Variants in SLC8B1 observed in about 807,000 individuals in gnomAD.
SLC8B1 encodes the protein solute carrier family 8 member B1, also known as mitochondrial sodium/calcium exchanger protein.
A neutral mutation model predicts 63.4 loss-of-function variants in SLC8B1; 52 were observed. The ratio of observed to expected loss-of-function variants is 0.82; its 90% CI spans 0.66 to 1.03. The LOEUF (loss-of-function observed/expected upper bound fraction) is 1.03. Ranked by LOEUF, SLC8B1 falls within the 50% of genes least tolerant of loss-of-function variation. The pLI, the probability that SLC8B1 is intolerant of heterozygous loss-of-function variation, is 0.00. For synonymous variants in SLC8B1, 336 were observed against 323.9 expected (o/e 1.04, Z -0.40); for missense variants, 657 against 741.7 (o/e 0.89, Z 1.33).
intron 2 of SLC8B1, among the ~76,000 whole-genome samples, chr12:113,325,851 C>T (rs1956991039): frequency 6.6e-6 from 1 of 152,232 alleles, no homozygotes; most frequent in African/African-American, 2.4e-5. Context: ...GCGTGAGCCA[C>T]CGCGCCCAGC....
intron 13 of SLC8B1, 65 bp from the exon 14 acceptor site, chr12:113,306,640 G>T: frequency 3.8e-6 from 5 of 1,325,948 alleles, no homozygotes; most frequent in Non-Finnish European, 5.4e-6. Context: ...GGTCATCCAC[G>T]CCTTCATTCT....
chr12:113,317,692 C>T (rs1049769937), intron 8 of SLC8B1, among the ~76,000 whole-genome samples: 2 of 152,150 alleles, frequency 1.3e-5, no homozygotes, highest in Non-Finnish European at 1.5e-5. Flanking sequence ...AGTTAGCTCT[C>T]GCCCTGATTC....
rs999787492 is a variant in SLC8B1 at position 113,318,865 on chromosome 12, G to C, written c.802+99C>G. On this transcript the variant is annotated intron_variant, in intron 8 of 15. Coordinates refer to ENST00000680972, the MANE Select transcript of SLC8B1 (RefSeq NM_001358345.2). Reference sequence around the variant, plus strand: ...AAGAGCATGAAGAGGAGATGAGCTTGGTGGGGACAATGGCCTCAGGAGACC... The same window carrying C: ...AAGAGCATGAAGAGGAGATGAGCTTCGTGGGGACAATGGCCTCAGGAGACC... The C allele has an allele frequency of 5.9e-6, 5 of 849,176 alleles. No individual in the cohort carries two copies. In the African/African-American group the frequency reaches 8.4e-5, roughly 14 times the overall value. The allele number at this position is 849,176 out of a possible 1,614,324, so 52.6% of individuals were successfully genotyped here.
In SLC8B1 at chr12:113,322,485, C is replaced by T. The variant is rs191990712; in HGVS notation, c.157-1137G>A. ...AATATAGCCAATGAGCTTCCTCACA[C>T]ATGACTCTCTGAGCACATATGAGAA... On this transcript the variant is annotated intron_variant, in intron 2 of 15. Coordinates refer to ENST00000680972, the MANE Select transcript of SLC8B1 (RefSeq NM_001358345.2). 2.9e-3 allele frequency among the ~76,000 whole-genome samples: 435 copies of T among 152,304 alleles called. 1 individual carries two copies. The highest frequency in any genetic ancestry group is 4.8e-3 in the Non-Finnish European group (325 of 68,024).
intron 9 of SLC8B1, 130 bp from the exon 10 acceptor site, chr12:113,316,786 A>C: frequency 2.0e-6 from 3 of 1,506,370 alleles, no homozygotes; most frequent in Non-Finnish European, 1.8e-6. Flanking sequence ...GGCAGAGGGC[A>C]GACAACCCTG....
chr12:113,299,522 A>T lies in SLC8B1; in HGVS notation c.*255T>A. 2 of 476,568 alleles carry T rather than the reference A, an allele frequency of 4.2e-6. No individual in the cohort carries two copies. Among genetic ancestry groups the T allele is most frequent in the South Asian group, 2.2e-5 (1 of 46,342 alleles). 29.5% of individuals were successfully genotyped at this position (476,568 alleles called of 1,614,324 possible). A position where few individuals can be genotyped will look rare whatever the true frequency, so the allele number is the denominator to read the frequency against. On this transcript the variant is annotated 3_prime_UTR_variant, in exon 16 of 16. Transcript: ENST00000680972. Reference sequence around the variant, plus strand: ...TGGGGGTCATTCAAGGGGGACTTCTAGCTTCTCTCTGGAACCCTTTGTCCA... The same window carrying T: ...TGGGGGTCATTCAAGGGGGACTTCTTGCTTCTCTCTGGAACCCTTTGTCCA...
chr12:113,317,835 T>C, intron 8 of SLC8B1, among the ~76,000 whole-genome samples: 1 of 151,056 alleles, frequency 6.6e-6, no homozygotes, highest in South Asian at 2.1e-4. Context: ...GTATTGTGTA[T>C]GTGAGTGCAT....
chr12:113,318,272 ATT>A (rs1433239498), intron 8 of SLC8B1, among the ~76,000 whole-genome samples: 6 of 150,666 alleles, frequency 4.0e-5, no homozygotes, highest in South Asian at 2.1e-4. Flanking sequence ...GTGTGCATGT[ATT>A]TGTGTTGCAT....
chr12:113,303,219 A>C (rs1292852614), intron 15 of SLC8B1, among the ~76,000 whole-genome samples: 1 of 152,186 alleles, frequency 6.6e-6, no homozygotes, highest in Non-Finnish European at 1.5e-5. Context: ...GAACTACCCT[A>C]GAATCTATCA....
Position 113,320,722 on chromosome 12 carries a change from G to A in SLC8B1, c.421-36C>T. The A allele has an allele frequency of 6.2e-7, 1 of 1,601,864 alleles. No homozygotes were observed. Among genetic ancestry groups the A allele is most frequent in the Non-Finnish European group, 8.5e-7 (1 of 1,174,174 alleles). The stretch of plus-strand genomic sequence containing the variant: ...CATGTCAAGGCGGGCCAGGATCGCA[G>A]CTGCAGCCCACCCAGGCCTTCGACC... On this transcript the variant is annotated intron_variant, in intron 5 of 15. Transcript: ENST00000680972. The surrounding 1 kb of genome is among the most constrained non-coding windows in gnomAD (Gnocchi z 5.3).
chr12:113,309,291 C>T (rs1956723300), intron 12 of SLC8B1, among the ~76,000 whole-genome samples: 1 of 151,996 alleles, frequency 6.6e-6, no homozygotes. Flanking sequence ...GCCTCAGCCT[C>T]CCGAGTAGCT....
In SLC8B1 at chr12:113,305,357, A is replaced by G. The variant is rs1456819543; in HGVS notation, c.1493-972T>C. ...CCGCAGTTAGCCTGTTTTGCCGGCCAACTGCTCACACTGCAGCCCCTGGTG... is the reference window on the plus strand; with the variant it reads ...CCGCAGTTAGCCTGTTTTGCCGGCCGACTGCTCACACTGCAGCCCCTGGTG... On this transcript the variant is annotated intron_variant, in intron 14 of 15. Transcript: ENST00000680972. This position sits in a 1 kb window ranked among gnomAD's most constrained non-coding sequence, Gnocchi z 4.3. Among the ~76,000 whole-genome samples, 4 of 152,258 alleles carry G rather than the reference A, an allele frequency of 2.6e-5. No individual in the cohort carries two copies. Among genetic ancestry groups the G allele is most frequent in the Non-Finnish European group, 2.9e-5 (2 of 68,042 alleles).
chr12:113,323,936 G>A (rs1290879327), intron 2 of SLC8B1, among the ~76,000 whole-genome samples: 1 of 152,082 alleles, frequency 6.6e-6, no homozygotes, highest in African/African-American at 2.4e-5. Context: ...CCCCTGAGCA[G>A]AGACTGAAAC....
chr12:113,301,241 T>C (rs1483294557), intron 15 of SLC8B1, among the ~76,000 whole-genome samples: 1 of 151,854 alleles, frequency 6.6e-6, no homozygotes, highest in African/African-American at 2.4e-5. Flanking sequence ...CAGTAGAGTC[T>C]GGGTGGTGGG....
chr12:113,310,974 C>CT (rs1244935215), intron 11 of SLC8B1, among the ~76,000 whole-genome samples: 2 of 152,282 alleles, frequency 1.3e-5, no homozygotes, highest in South Asian at 2.1e-4. Context: ...TTCTTTTGTT[C>CT]TTTTTTTAGT....
intron 12 of SLC8B1, among the ~76,000 whole-genome samples, chr12:113,309,106 C>T (rs1030446618): frequency 3.2e-4 from 48 of 152,276 alleles, no homozygotes; most frequent in African/African-American, 1.1e-3. Context: ...CCACCCGTCT[C>T]GGCCTCTCAA....
At chr12:113,333,254 C>T (rs1957080825) in intron 1 of SLC8B1, among the ~76,000 whole-genome samples, 1 of 151,414 alleles carries the variant, frequency 6.6e-6, no homozygotes, top group African/African-American at 2.4e-5. Flanking sequence ...GGGACTTGAG[C>T]CAAGATTCAG....
Position 113,305,227 on chromosome 12 carries a change from A to G in SLC8B1, c.1493-842T>C, listed in dbSNP as rs1956655174. Among the ~76,000 whole-genome samples, 1 of 152,228 alleles carries G rather than the reference A, an allele frequency of 6.6e-6. No homozygotes were observed. The highest frequency in any genetic ancestry group is 2.4e-5 in the African/African-American group (1 of 41,472). On this transcript the variant is annotated intron_variant, in intron 14 of 15. Coordinates refer to ENST00000680972, the MANE Select transcript of SLC8B1 (RefSeq NM_001358345.2). The surrounding 1 kb of genome is among the most constrained non-coding windows in gnomAD (Gnocchi z 4.3). ...TCCTTCCCAGCCAACCTGGGAGGTCAGGCGAGGCTGCAGCCCGAAAGCCAG... is the reference window on the plus strand; with the variant it reads ...TCCTTCCCAGCCAACCTGGGAGGTCGGGCGAGGCTGCAGCCCGAAAGCCAG...
intron 10 of SLC8B1, 147 bp from the exon 11 acceptor site, chr12:113,315,623 T>C: frequency 2.1e-6 from 2 of 959,796 alleles, no homozygotes; most frequent in Non-Finnish European, 3.0e-6. Flanking sequence ...CCTGGTTGCC[T>C]CTGGCTACTG....
Sources: allele counts gnomAD v4.1 joint callset (sites outside exome capture counted in the v4.1 genomes callset), GRCh38; gene constraint gnomAD v4.1.1; non-coding constraint Gnocchi (gnomAD v3.1); transcripts MANE v1.5; gene names NCBI Gene and HGNC (gene_info 2026-07-23, HGNC 2026-07-21).